The following SYNDIG1L variants were observed in gnomAD, a reference collection of about 807,000 sequenced individuals.
SYNDIG1L encodes synapse differentiation inducing 1 like.
In SYNDIG1L, 13 loss-of-function variants were observed where a neutral mutation model predicts 20.1. The ratio of observed to expected loss-of-function variants is 0.65; its 90% CI spans 0.42 to 1.03. SYNDIG1L has a LOEUF of 1.03. Ranked by LOEUF, SYNDIG1L falls within the 50% of genes least tolerant of loss-of-function variation. SYNDIG1L has a pLI of 0.00. For missense variants in SYNDIG1L, 294 were observed against 305.1 expected, an observed-to-expected ratio of 0.96 and a Z score of 0.27; for synonymous variants, 128 against 129.3, an observed-to-expected ratio of 0.99 and a Z score of 0.07.
the SYNDIG1L span, among the ~76,000 whole-genome samples, chr14:74,460,898 C>T: frequency 6.6e-6 from 1 of 152,176 alleles, no homozygotes; most frequent in African/African-American, 2.4e-5. Context: ...GATCTGCCCG[C>T]CTTGGTGTCC....
At chr14:74,453,869 G>A in the SYNDIG1L span, among the ~76,000 whole-genome samples, 1 of 152,290 alleles carries the variant, frequency 6.6e-6, no homozygotes, top group East Asian at 1.9e-4. Flanking sequence ...GGGAGGCTGA[G>A]GAGGAGAATT....
In SYNDIG1L at chr14:74,409,091, T is replaced by TTTATA. The variant is rs1555342656; in HGVS notation, c.417+236_417+237insTATAA. Among the ~76,000 whole-genome samples the TTTATA allele has an allele frequency of 6.5e-3, 976 of 150,314 alleles. 10 individuals are homozygous for TTTATA. The highest frequency in any genetic ancestry group is 0.014 in the Middle Eastern group (4 of 290). The stretch of plus-strand genomic sequence containing the variant: ...TTATTTATTTATTTATTTATTTATA[T>TTTATA]TTTTTTGAGTCAGGCTCTTGCTCTA... On this transcript the variant is annotated intron_variant, in intron 2 of 3. Transcript: ENST00000331628.
At chr14:74,440,562 G>A in the SYNDIG1L span, among the ~76,000 whole-genome samples, 1 of 149,036 alleles carries the variant, frequency 6.7e-6, no homozygotes, top group Admixed American at 6.7e-5. Context: ...GCAGGCGCCT[G>A]TAGTCCCAGC....
upstream of SYNDIG1L, among the ~76,000 whole-genome samples, chr14:74,427,244 G>A (rs572318454): frequency 1.3e-5 from 2 of 151,906 alleles, no homozygotes; most frequent in East Asian, 3.9e-4. Context: ...GGAGGAGAGA[G>A]TATTCTCATT....
At position 74,409,494 on chromosome 14, in the gene SYNDIG1L, GC is replaced by G; in HGVS notation, c.250del (p.Ala84GlnfsTer126). On this transcript the variant is annotated frameshift_variant, in exon 2 of 4. Transcript: ENST00000331628. LOFTEE classifies it high-confidence loss of function. ...TGTGAAGCTTGTCTCACAGCTGCCT[GC>G]CCTGGGCTCCTTGACCTTGTCTCTC... Reference protein sequence around the residue: ...LGRDKVKEPRAGSCETSFTED... With the variant: ...LGRDKVKEPRXGSCETSFTED... 1 of 1,612,186 alleles carries G rather than the reference GC, an allele frequency of 6.2e-7. No individual in the cohort carries two copies. The highest frequency in any genetic ancestry group is 8.5e-7 in the Non-Finnish European group (1 of 1,179,210).
chr14:74,429,781 A>G (rs968250449), upstream of SYNDIG1L, among the ~76,000 whole-genome samples: 3 of 152,246 alleles, frequency 2.0e-5, no homozygotes, highest in African/African-American at 7.2e-5. Context: ...ATGTGGCTGT[A>G]AGCAAATAGT....
At chr14:74,443,444 C>T in the SYNDIG1L span, among the ~76,000 whole-genome samples, 11 of 152,272 alleles carry the variant, frequency 7.2e-5, no homozygotes, top group African/African-American at 2.6e-4. Context: ...GCCGAGGATT[C>T]AGTGAGACTG....
At chr14:74,446,953 A>G in the SYNDIG1L span, among the ~76,000 whole-genome samples, 1 of 152,206 alleles carries the variant, frequency 6.6e-6, no homozygotes, top group South Asian at 2.1e-4. Flanking sequence ...AAAACCTAAG[A>G]TATGAGGCTG....
chr14:74,429,187 C>T (rs1487145201), upstream of SYNDIG1L, among the ~76,000 whole-genome samples: 7 of 152,186 alleles, frequency 4.6e-5, no homozygotes, highest in Non-Finnish European at 1.0e-4. Context: ...TGGAAGCTCA[C>T]CTGGAGGTAG....
chr14:74,471,990 T>C, the SYNDIG1L span: 1 of 152,240 alleles, frequency 6.6e-6, no homozygotes, highest in Non-Finnish European at 1.5e-5. Context: ...CGATATAAAA[T>C]GATCCTCTTC....
chr14:74,452,913 A>G, the SYNDIG1L span, among the ~76,000 whole-genome samples: 6 of 152,228 alleles, frequency 3.9e-5, no homozygotes, highest in Non-Finnish European at 7.3e-5. Flanking sequence ...AAGTAGAATG[A>G]GGTATTGATA....
upstream of SYNDIG1L, among the ~76,000 whole-genome samples, chr14:74,430,511 C>G (rs138037583): frequency 1.8e-3 from 271 of 150,714 alleles, no homozygotes; most frequent in African/African-American, 6.1e-3. Context: ...TCTCGGCTCA[C>G]TGCAACCTCC....
At chr14:74,433,756 G>C in the SYNDIG1L span, among the ~76,000 whole-genome samples, 1 of 152,056 alleles carries the variant, frequency 6.6e-6, no homozygotes, top group Non-Finnish European at 1.5e-5. Context: ...GTGAAAACTG[G>C]GACATATAAT....
the SYNDIG1L span, among the ~76,000 whole-genome samples, chr14:74,452,393 AT>A: frequency 1.6e-4 from 25 of 152,172 alleles, no homozygotes; most frequent in African/African-American, 6.0e-4. Context: ...TGATTGAATT[AT>A]TGGGGGTGAG....
the SYNDIG1L span, among the ~76,000 whole-genome samples, chr14:74,462,052 C>A: frequency 1.4e-5 from 2 of 142,306 alleles, no homozygotes; most frequent in Non-Finnish European, 3.0e-5. Context: ...AACCACTGCA[C>A]TCCAGCCTGG....
the SYNDIG1L span, among the ~76,000 whole-genome samples, chr14:74,448,782 C>T: frequency 6.6e-6 from 1 of 152,092 alleles, no homozygotes; most frequent in Non-Finnish European, 1.5e-5. Flanking sequence ...AAACAATACA[C>T]TTCTAAATGA....
In SYNDIG1L at chr14:74,407,136, C is replaced by T. The variant is rs924702595; in HGVS notation, c.*399G>A. The T allele has an allele frequency of 8.5e-6, 2 of 234,208 alleles. No homozygotes were observed. Among genetic ancestry groups the T allele is most frequent in the South Asian group, 5.7e-5 (1 of 17,696 alleles). The allele number at this position is 234,208 out of a possible 1,614,324, so 14.5% of individuals were successfully genotyped here. A position where few individuals can be genotyped will look rare whatever the true frequency, so the allele number is the denominator to read the frequency against. ...GGGACGGGTCCCCTTGTGCTCTGGG[C>T]ACCCCCTTTTCTCCCTGTAACCTCC... On this transcript the variant is annotated 3_prime_UTR_variant, in exon 4 of 4. Coordinates refer to ENST00000331628, the MANE Select transcript of SYNDIG1L (RefSeq NM_001105579.2).
chr14:74,409,862 T>A (rs2086117643), intron 1 of SYNDIG1L, 61 bp from the exon 2 acceptor site: 32 of 1,252,506 alleles, frequency 2.6e-5, no homozygotes, highest in Non-Finnish European at 3.3e-5. Context: ...GGACCTAAAG[T>A]GGTGAAGAGC....
chr14:74,412,701 G>T (rs938291777), intron 1 of SYNDIG1L, among the ~76,000 whole-genome samples: 2 of 152,188 alleles, frequency 1.3e-5, no homozygotes, highest in Non-Finnish European at 1.5e-5. Flanking sequence ...CAGTTTTCCA[G>T]ATGGGCGACA....
Sources: allele counts gnomAD v4.1 joint callset (sites outside exome capture counted in the v4.1 genomes callset), GRCh38; gene constraint gnomAD v4.1.1; transcripts MANE v1.5; gene names NCBI Gene and HGNC (gene_info 2026-07-23, HGNC 2026-07-21).